The following IL1RAPL1 variants were observed in gnomAD, a reference collection of about 807,000 sequenced individuals.
The protein encoded by IL1RAPL1 is interleukin-1 receptor accessory protein-like 1.
In IL1RAPL1, 3 loss-of-function variants were observed where a neutral mutation model predicts 48.4. The ratio of observed to expected loss-of-function variants is 0.06; its 90% CI spans 0.03 to 0.16. IL1RAPL1 has a LOEUF of 0.16. Among genes scored for constraint, IL1RAPL1 ranks in the 10% least tolerant of loss-of-function variants. The probability of loss-of-function intolerance (pLI) is 1.00; values close to 1 mark genes in which losing one functional copy is unlikely to be tolerated. For synonymous variants in IL1RAPL1, 185 were observed against 187.7 expected, an observed-to-expected ratio of 0.99 and a Z score of 0.12; for missense variants, 349 against 530.6, an observed-to-expected ratio of 0.66 and a Z score of 3.36.
intron 2 of IL1RAPL1, among the ~76,000 whole-genome samples, chrX:28,937,966 T>C (rs1292090087): frequency 9.0e-6 from 1 of 110,988 alleles, no homozygotes; most frequent in Non-Finnish European, 1.9e-5. Context: ...ACTAGTGACA[T>C]GAAAGATCTC....
intron 1 of IL1RAPL1, among the ~76,000 whole-genome samples, chrX:28,787,871 A>G (rs1936490614): frequency 9.0e-6 from 1 of 111,501 alleles, no homozygotes; most frequent in African/African-American, 3.3e-5. Context: ...TAAGTTTACA[A>G]TATATTTGAA....
At chrX:29,241,854 G>C (rs952541603) in intron 2 of IL1RAPL1, among the ~76,000 whole-genome samples, 4 of 111,647 alleles carry the variant, frequency 3.6e-5, no homozygotes, top group African/African-American at 1.3e-4. Flanking sequence ...TTCCCCAACT[G>C]CTTTTGTAGA....
At position 29,531,182 on chromosome X, in the gene IL1RAPL1, T is replaced by C. The variant is rs904882407; in HGVS notation, c.703+131874T>C. Among the ~76,000 whole-genome samples, 52 of 111,024 alleles carry C rather than the reference T, an allele frequency of 4.7e-4. 1 individual carries two copies. The highest frequency in any genetic ancestry group is 6.7e-4 in the Admixed American group (7 of 10,434). On this transcript the variant is annotated intron_variant, in intron 5 of 10. Transcript: ENST00000378993. ...TTAAAAAAATCTGTTTTTTTTTTAA[T>C]AGCCATTGAAGACTCAGAACAATAG...
chrX:29,263,860 TCCC>T (rs34183350), intron 2 of IL1RAPL1, among the ~76,000 whole-genome samples: 2,483 of 81,040 alleles, frequency 0.031, 103 homozygotes, highest in African/African-American at 0.11. Flanking sequence ...TCTCTCTCTC[TCCC>T]CCCCCCCCGC....
At chrX:28,620,110 G>A (rs1394173300) in intron 1 of IL1RAPL1, among the ~76,000 whole-genome samples, 1 of 110,199 alleles carries the variant, frequency 9.1e-6, no homozygotes, top group Non-Finnish European at 1.9e-5. Context: ...TTTAACCCAG[G>A]ATTTTGTAGA....
chrX:28,744,441 A>G (rs974503475), intron 1 of IL1RAPL1, among the ~76,000 whole-genome samples: 1 of 111,776 alleles, frequency 8.9e-6, no homozygotes, highest in African/African-American at 3.2e-5. Context: ...CTTAAATTTT[A>G]TAAGCAGTAT....
At chrX:29,530,151 C>A (rs1450284357) in intron 5 of IL1RAPL1, among the ~76,000 whole-genome samples, 2 of 111,513 alleles carry the variant, frequency 1.8e-5, no homozygotes, top group African/African-American at 6.5e-5. Flanking sequence ...TTTAAGAATA[C>A]TTAGTATTTT....
chrX:29,767,501 A>G (rs1451068513), intron 6 of IL1RAPL1, among the ~76,000 whole-genome samples: 1 of 112,074 alleles, frequency 8.9e-6, no homozygotes, highest in Non-Finnish European at 1.9e-5. Flanking sequence ...GGCAAAATCA[A>G]TACAGCTGAA....
At chrX:28,950,869 A>G (rs1414534544) in intron 2 of IL1RAPL1, among the ~76,000 whole-genome samples, 1 of 109,413 alleles carries the variant, frequency 9.1e-6, no homozygotes, top group African/African-American at 3.3e-5. Flanking sequence ...CTTGGAACCA[A>G]CCCACATGTC....
At chrX:29,917,820 A>G (rs1399763107) in intron 7 of IL1RAPL1, among the ~76,000 whole-genome samples, 1 of 109,646 alleles carries the variant, frequency 9.1e-6, no homozygotes, top group Non-Finnish European at 1.9e-5. Context: ...AAGATTGTTC[A>G]TTAAGCCACA....
intron 2 of IL1RAPL1, among the ~76,000 whole-genome samples, chrX:29,239,593 G>A (rs1021646729): frequency 1.8e-5 from 2 of 112,196 alleles, no homozygotes; most frequent in African/African-American, 6.5e-5. Flanking sequence ...AGTTTCCTTT[G>A]CCTTTTCCAA....
intron 6 of IL1RAPL1, among the ~76,000 whole-genome samples, chrX:29,731,677 G>C (rs1020873118): frequency 1.8e-5 from 2 of 112,472 alleles, no homozygotes; most frequent in African/African-American, 6.5e-5. Flanking sequence ...CAAGGAGCTG[G>C]TCACGTGCTC....
intron 2 of IL1RAPL1, among the ~76,000 whole-genome samples, chrX:29,020,848 C>G (rs780563767): frequency 8.9e-6 from 1 of 112,104 alleles, no homozygotes; most frequent in East Asian, 2.8e-4. Context: ...TCATATTTAA[C>G]CAGTTTTCAA....
At chrX:29,150,841 GA>G (rs1368664479) in intron 2 of IL1RAPL1, among the ~76,000 whole-genome samples, 1 of 106,080 alleles carries the variant, frequency 9.4e-6, no homozygotes, top group Non-Finnish European at 1.9e-5. Flanking sequence ...AGAATCGCTT[GA>G]AACCGGGAGG....
chrX:28,873,199 C>T (rs1922254379), intron 2 of IL1RAPL1, among the ~76,000 whole-genome samples: 1 of 103,384 alleles, frequency 9.7e-6, no homozygotes, highest in Non-Finnish European at 2.0e-5. Context: ...CAACGTCCGC[C>T]TCCCGGGTTC....
chrX:29,119,033 A>G (rs1344532373), intron 2 of IL1RAPL1, among the ~76,000 whole-genome samples: 1 of 111,261 alleles, frequency 9.0e-6, no homozygotes, highest in Non-Finnish European at 1.9e-5. Flanking sequence ...ACACATAAGA[A>G]TATAATTTTT....
chrX:28,938,488 G>T (rs1924076939), intron 2 of IL1RAPL1, among the ~76,000 whole-genome samples: 1 of 111,031 alleles, frequency 9.0e-6, no homozygotes, highest in Non-Finnish European at 1.9e-5. Context: ...ATTGAAACTG[G>T]ACCCCCTCCT....
chrX:29,490,113 T>C (rs1935139518), intron 5 of IL1RAPL1, among the ~76,000 whole-genome samples: 1 of 111,482 alleles, frequency 9.0e-6, no homozygotes, highest in Non-Finnish European at 1.9e-5. Context: ...GTATCTTTAA[T>C]GTCTGTGACA....
chrX:29,870,505 A>G (rs905766089), intron 6 of IL1RAPL1, among the ~76,000 whole-genome samples: 1 of 112,064 alleles, frequency 8.9e-6, no homozygotes, highest in African/African-American at 3.2e-5. Flanking sequence ...AGCTTGTATT[A>G]GTCATAATTC....
Sources: gnomAD v4.1 joint callset for allele counts (sites outside exome capture counted in the v4.1 genomes callset) on GRCh38, gnomAD v4.1.1 for gene constraint, MANE v1.5 for transcripts, NCBI Gene and HGNC (gene_info 2026-07-23, HGNC 2026-07-21) for gene names.